Variants in RYR1 observed in about 807,000 individuals in gnomAD.
The protein encoded by RYR1 is ryanodine receptor 1, also known as central core disease of muscle.
In RYR1, 342 loss-of-function variants were observed where a neutral mutation model predicts 583.5. That is an observed-to-expected ratio of 0.59 (90% CI 0.54 to 0.64). The LOEUF is 0.64. Ranked by LOEUF, RYR1 falls within the 30% of genes least tolerant of loss-of-function variation. The pLI is 0.00. For missense variants in RYR1, 6,032 were observed against 6,917.2 expected (o/e 0.87, Z 4.54); for synonymous variants, 2,791 against 2,822.5 (o/e 0.99, Z 0.35).
chr19:38,541,124 A>G (rs994483849), intron 84 of RYR1, among the ~76,000 whole-genome samples: 3 of 152,250 alleles, frequency 2.0e-5, no homozygotes, highest in South Asian at 2.1e-4. Context: ...GTACACTGGC[A>G]TGCCTGGGGA....
At chr19:38,497,431 C>T (rs566060532) in intron 42 of RYR1, among the ~76,000 whole-genome samples, 1 of 152,340 alleles carries the variant, frequency 6.6e-6, no homozygotes, top group Admixed American at 6.5e-5. Context: ...TTTGCTTCTG[C>T]TCCCCTCGCT....
chr19:38,485,691 G>A lies in RYR1; in HGVS notation c.5036G>A (p.Arg1679His), dbSNP rs146504767. 1.3e-3 allele frequency: 2,040 copies of A among 1,611,126 alleles called. 3 individuals are homozygous for A. The highest frequency in any genetic ancestry group is 1.5e-3 in the Non-Finnish European group (1,826 of 1,179,786). ...GCTGTGTGCGCCCTGGGCAACAATC[G>A]CGTGGCGCACGCTCTGTGCAGCCAC... Reference protein sequence around the residue: ...YRAVCALGNNRVAHALCSHVD... With the variant: ...YRAVCALGNNHVAHALCSHVD... The change falls in exon 34 of 106, where the codon CGC (arginine) becomes CAC (histidine). Residue 1679 changes from arginine (R) to histidine (H), a missense_variant. Arg to His is a conservative substitution (Grantham distance 29). This residue lies in a region of RYR1 where 2,627 missense variants were observed against 2,961.3 expected (regional missense o/e 0.89). Coordinates refer to ENST00000359596, the MANE Select transcript of RYR1 (RefSeq NM_000540.3).
At chr19:38,435,813 C>G (rs1156658138) in intron 1 of RYR1, among the ~76,000 whole-genome samples, 1 of 152,022 alleles carries the variant, frequency 6.6e-6, no homozygotes, top group African/African-American at 2.4e-5. Flanking sequence ...TGCACACATG[C>G]ATAGACATGA....
intron 101 of RYR1, 124 bp from the exon 102 acceptor site, chr19:38,584,819 T>A: frequency 8.6e-7 from 1 of 1,162,288 alleles, no homozygotes. Flanking sequence ...TGTGAGCCCT[T>A]TGAGGGCAGG....
chr19:38,515,952 C>A, intron 64 of RYR1, 135 bp from the exon 65 acceptor site: 1 of 1,120,520 alleles, frequency 8.9e-7, no homozygotes. Flanking sequence ...AAAAACAAAA[C>A]AAGTGGCACA....
At chr19:38,508,045 G>T (rs1482609580) in intron 58 of RYR1, among the ~76,000 whole-genome samples, 1 of 152,126 alleles carries the variant, frequency 6.6e-6, no homozygotes, top group East Asian at 1.9e-4. Context: ...TCCTATGTTG[G>T]ATTCAGGCAA....
chr19:38,523,630 C>T, intron 69 of RYR1: 1 of 608,420 alleles, frequency 1.6e-6, no homozygotes, highest in South Asian at 2.0e-5. Context: ...TCTCTCCTCC[C>T]ATTTCCCTCC....
chr19:38,537,927 T>C lies in RYR1; in HGVS notation c.11656T>C (p.Phe3886Leu). The C allele has an allele frequency of 6.2e-7, 1 of 1,614,104 alleles. No homozygotes were observed. Among genetic ancestry groups the C allele is most frequent in the Non-Finnish European group, 8.5e-7 (1 of 1,179,998 alleles). ...TGAATTCACACAAGACCTGTTCCGATTCCTACAATTGCTCTGTGAGGGGCA... is the reference window on the plus strand; with the variant it reads ...TGAATTCACACAAGACCTGTTCCGACTCCTACAATTGCTCTGTGAGGGGCA... ...DDEFTQDLFR[F>L]LQLLCEGHNN... Residue 3886 changes from phenylalanine to leucine, a missense_variant, in exon 84 of 106, where the codon TTC becomes CTC. By Grantham distance (22) the Phe-to-Leu change is conservative. Transcript: ENST00000359596.
chr19:38,516,183 C>T lies in RYR1; in HGVS notation c.9651C>T (p.Ser3217=), dbSNP rs370457617. 7 of 1,573,100 alleles carry T rather than the reference C, an allele frequency of 4.4e-6. No homozygotes were observed. The highest frequency in any genetic ancestry group is 1.7e-4 in the Middle Eastern group (1 of 5,984). Residue 3217 remains serine (S), a synonymous_variant, in exon 65 of 106, where the codon TCC becomes TCT. Transcript: ENST00000359596. ...AGCTGAACGAGTACAACGCCTGCTC[C>T]GTGTACACCACCAAGTCTCCGCGGG... ...EPQLNEYNAC[S]VYTTKSPRER...
At chr19:38,468,716 A>G (rs1302604713) in intron 25 of RYR1, among the ~76,000 whole-genome samples, 1 of 152,186 alleles carries the variant, frequency 6.6e-6, no homozygotes, top group African/African-American at 2.4e-5. Context: ...AATGCTAGCC[A>G]TGGCAACAGC....
intron 63 of RYR1, among the ~76,000 whole-genome samples, chr19:38,513,309 C>T (rs1970811878): frequency 6.6e-6 from 1 of 152,050 alleles, no homozygotes; most frequent in Admixed American, 6.5e-5. Context: ...TGCACGCCAG[C>T]CTGGGCAACA....
Position 38,494,281 on chromosome 19 carries a change from T to C in RYR1, c.6275-71T>C, listed in dbSNP as rs73930594. 2.6e-3 allele frequency: 4,170 copies of C among 1,596,272 alleles called. 79 individuals are homozygous for C. The African/African-American group carries it at 0.049, about 19-fold the overall frequency. ...GGAACAGGGGGCCCCTTCCACATTG[T>C]TCTGGTCCAAGGCCCCATGTGCCGA... On this transcript the variant is annotated intron_variant, in intron 38 of 105. Coordinates refer to ENST00000359596, the MANE Select transcript of RYR1 (RefSeq NM_000540.3).
chr19:38,577,083 G>A (rs1411615075), intron 97 of RYR1, among the ~76,000 whole-genome samples: 15 of 151,740 alleles, frequency 9.9e-5, no homozygotes, highest in East Asian at 5.9e-4. Context: ...ACGGGGTTTC[G>A]CCATGTGGGC....
chr19:38,551,614 C>G (rs1382523206), intron 89 of RYR1, among the ~76,000 whole-genome samples: 5 of 152,154 alleles, frequency 3.3e-5, no homozygotes, highest in Non-Finnish European at 4.4e-5. Context: ...CCGTCCCTGT[C>G]AGGCTCCTGA....
Position 38,496,194 on chromosome 19 carries a change from G to T in RYR1, c.6549-21G>T, listed in dbSNP as rs376344486. ...CCGGACCTGGGCCCCTGGTGACCCC[G>T]CACACTCTGCCCGTGCACAGGAACA... is the stretch of plus-strand genomic sequence containing the variant. On this transcript the variant is annotated intron_variant, in intron 39 of 105. Transcript: ENST00000359596. This position sits in a 1 kb window ranked among gnomAD's most constrained non-coding sequence, Gnocchi z 4.8. 118 of 1,605,814 alleles carry T rather than the reference G, an allele frequency of 7.3e-5. No homozygotes were observed. Among genetic ancestry groups the T allele is most frequent in the Non-Finnish European group, 9.5e-5 (112 of 1,174,278 alleles).
Position 38,561,405 on chromosome 19 carries a change from T to G in RYR1, c.12575T>G (p.Ile4192Ser). The G allele has an allele frequency of 6.2e-7, 1 of 1,612,830 alleles. No homozygotes were observed. Among genetic ancestry groups the G allele is most frequent in the Non-Finnish European group, 8.5e-7 (1 of 1,179,980 alleles). Residue 4192 changes from isoleucine to serine, a missense_variant, in exon 90 of 106, where the codon ATC becomes AGC. Transcript: ENST00000359596. This position sits in a 1 kb window ranked among gnomAD's most constrained non-coding sequence, Gnocchi z 4.8. The stretch of plus-strand genomic sequence containing the variant: ...GGCGCGTCACGCCGCATCGAGCGCA[T>G]CTACTTCGAGATCTCAGAGACCAAC... ...IMGASRRIER[I>S]YFEISETNRA...
intron 49 of RYR1, among the ~76,000 whole-genome samples, chr19:38,503,769 C>T (rs1414317031): frequency 6.9e-6 from 1 of 144,512 alleles, no homozygotes; most frequent in Non-Finnish European, 1.5e-5. Flanking sequence ...TGAGACTCCA[C>T]CTCAAAAAAA....
At position 38,562,196 on chromosome 19, in the gene RYR1, C is replaced by T. The variant is rs577012279; in HGVS notation, c.12624+742C>T. Among the ~76,000 whole-genome samples the T allele has an allele frequency of 6.6e-5, 10 of 152,270 alleles. No individual in the cohort carries two copies. In the East Asian group the frequency reaches 1.9e-3, roughly 29 times the overall value. ...CACACTTGGGCCACGGTCTCAGGCT[C>T]ACCCAGAAGAGCCCTCAGACCTACT... On this transcript the variant is annotated intron_variant, in intron 90 of 105. Coordinates refer to ENST00000359596, the MANE Select transcript of RYR1 (RefSeq NM_000540.3).
chr19:38,586,452 C>T (rs1433640454), intron 104 of RYR1, 73 bp from the exon 105 acceptor site: 1 of 1,476,054 alleles, frequency 6.8e-7, no homozygotes, highest in East Asian at 2.3e-5. Context: ...AAGACTTCCT[C>T]TCTACTATAA....
Sources: allele counts gnomAD v4.1 joint callset (sites outside exome capture counted in the v4.1 genomes callset), GRCh38; gene constraint gnomAD v4.1.1; regional missense constraint gnomAD v4.1.1; non-coding constraint Gnocchi (gnomAD v3.1); transcripts MANE v1.5; gene names NCBI Gene and HGNC (gene_info 2026-07-23, HGNC 2026-07-21).